The following CMTM7 variants were observed in gnomAD, a reference collection of about 807,000 sequenced individuals.
The protein encoded by CMTM7 is CKLF-like MARVEL transmembrane domain-containing protein 7.
In CMTM7, 7 loss-of-function variants were observed where a neutral mutation model predicts 19.3. The observed-to-expected ratio is 0.36, with a 90% confidence interval of 0.21 to 0.68. CMTM7 has a LOEUF of 0.68. Among genes scored for constraint, CMTM7 ranks in the 30% least tolerant of loss-of-function variants. The pLI, the probability that CMTM7 is intolerant of heterozygous loss-of-function variation, is 0.60. For missense variants in CMTM7, 193 were observed against 232.6 expected, an observed-to-expected ratio of 0.83 and a Z score of 1.11; for synonymous variants, 87 against 99.3, an observed-to-expected ratio of 0.88 and a Z score of 0.74.
chr3:32,431,611 G>C (rs1696520451), intron 1 of CMTM7, among the ~76,000 whole-genome samples: 1 of 152,140 alleles, frequency 6.6e-6, no homozygotes, highest in South Asian at 2.1e-4. Context: ...TGAAAACAGA[G>C]GCCAGAAGCT....
At chr3:32,445,629 C>T (rs1051844701) in intron 2 of CMTM7, among the ~76,000 whole-genome samples, 1 of 152,116 alleles carries the variant, frequency 6.6e-6, no homozygotes, top group African/African-American at 2.4e-5. Flanking sequence ...CCTCCCACCT[C>T]AGCCTCTTGA....
intron 1 of CMTM7, among the ~76,000 whole-genome samples, chr3:32,425,912 G>A (rs775266174): frequency 1.1e-4 from 17 of 152,146 alleles, no homozygotes; most frequent in South Asian, 2.1e-4. Flanking sequence ...TTGGGAGGCC[G>A]AGGTGGGCGG....
At chr3:32,434,472 A>AAT (rs1553612389) in intron 1 of CMTM7, among the ~76,000 whole-genome samples, 6 of 148,336 alleles carry the variant, frequency 4.0e-5, no homozygotes, top group African/African-American at 1.5e-4. Context: ...AATTTTAAAA[A>AAT]TTTTTTTTTT....
chr3:32,442,627 G>A (rs964445343), intron 2 of CMTM7, among the ~76,000 whole-genome samples: 17 of 152,216 alleles, frequency 1.1e-4, no homozygotes, highest in African/African-American at 3.4e-4. Flanking sequence ...GGAAATTGTA[G>A]GTGAAGATGA....
intron 4 of CMTM7, 32 bp from the exon 5 acceptor site, chr3:32,454,209 C>A: frequency 6.4e-7 from 1 of 1,573,332 alleles, no homozygotes; most frequent in South Asian, 1.2e-5. Flanking sequence ...ACATCCCTGG[C>A]AAGCTGTCCT....
intron 3 of CMTM7, 60 bp from the exon 4 acceptor site, chr3:32,452,332 G>C: frequency 3.1e-6 from 5 of 1,613,502 alleles, no homozygotes; most frequent in Non-Finnish European, 4.2e-6. Flanking sequence ...AAGCAGACAG[G>C]ATTGCCCGAG....
intron 1 of CMTM7, among the ~76,000 whole-genome samples, chr3:32,440,717 G>A (rs1224236671): frequency 6.6e-6 from 1 of 152,212 alleles, no homozygotes; most frequent in African/African-American, 2.4e-5. Context: ...AGCAGAGGTT[G>A]CAGTGAGCTG....
At chr3:32,433,613 G>A (rs1015368145) in intron 1 of CMTM7, among the ~76,000 whole-genome samples, 1 of 152,100 alleles carries the variant, frequency 6.6e-6, no homozygotes, top group Non-Finnish European at 1.5e-5. Context: ...CCTTGTGCTG[G>A]GTCCCTAATT....
intron 1 of CMTM7, among the ~76,000 whole-genome samples, chr3:32,399,900 T>G (rs1695976039): frequency 6.6e-6 from 1 of 152,190 alleles, no homozygotes; most frequent in Non-Finnish European, 1.5e-5. Context: ...AAAGTAATAC[T>G]TGTTCATTGT....
rs1169763459 is a variant in CMTM7 at position 32,454,493 on chromosome 3, C to T, written c.*239C>T. The T allele has an allele frequency of 2.9e-6, 2 of 696,414 alleles. No homozygotes were observed. Among genetic ancestry groups the T allele is most frequent in the South Asian group, 3.0e-5 (2 of 66,720 alleles). 43.1% of individuals were successfully genotyped at this position (696,414 alleles called of 1,614,324 possible). A position where few individuals can be genotyped will look rare whatever the true frequency, so the allele number is the denominator to read the frequency against. ...TCCCTCCCATTCTGGGAAAGGAAAG[C>T]AGCCTCCAGGGAAATGTTTTCTGCC... On this transcript the variant is annotated 3_prime_UTR_variant, in exon 5 of 5. Transcript: ENST00000334983.
chr3:32,436,813 G>C (rs780789016), intron 1 of CMTM7, among the ~76,000 whole-genome samples: 1 of 152,058 alleles, frequency 6.6e-6, no homozygotes, highest in Non-Finnish European at 1.5e-5. Context: ...CCCAAGCATG[G>C]GTGGCAGGAG....
intron 1 of CMTM7, among the ~76,000 whole-genome samples, chr3:32,414,242 C>T (rs1279421439): frequency 6.6e-6 from 1 of 152,140 alleles, no homozygotes; most frequent in Non-Finnish European, 1.5e-5. Flanking sequence ...ACCAAATGAC[C>T]AAGCTACATT....
At chr3:32,418,821 TG>T (rs1696304118) in intron 1 of CMTM7, among the ~76,000 whole-genome samples, 2 of 152,358 alleles carry the variant, frequency 1.3e-5, no homozygotes, top group South Asian at 4.1e-4. Context: ...ATCTTGAAAT[TG>T]GATAGTGCTC....
At chr3:32,404,349 C>T (rs1329034894) in intron 1 of CMTM7, among the ~76,000 whole-genome samples, 2 of 151,826 alleles carry the variant, frequency 1.3e-5, no homozygotes, top group Non-Finnish European at 2.9e-5. Flanking sequence ...TTGTAGATAA[C>T]GGGGTTTCAC....
intron 3 of CMTM7, chr3:32,452,084 G>A: frequency 7.1e-7 from 1 of 1,401,578 alleles, no homozygotes; most frequent in Non-Finnish European, 9.4e-7. Context: ...AAGTCCATTG[G>A]CTTAGCCCCA....
chr3:32,427,268 C>T (rs1696447072), intron 1 of CMTM7, among the ~76,000 whole-genome samples: 1 of 152,200 alleles, frequency 6.6e-6, no homozygotes, highest in Non-Finnish European at 1.5e-5. Context: ...GGACAAAGGT[C>T]TGGTCCCACT....
intron 1 of CMTM7, among the ~76,000 whole-genome samples, chr3:32,422,514 G>A (rs756072232): frequency 9.8e-5 from 15 of 152,352 alleles, no homozygotes; most frequent in Admixed American, 2.6e-4. Flanking sequence ...GTGCCGTCTC[G>A]TAGCCCTAAT....
At chr3:32,414,278 C>T (rs1696225411) in intron 1 of CMTM7, among the ~76,000 whole-genome samples, 1 of 152,204 alleles carries the variant, frequency 6.6e-6, no homozygotes, top group African/African-American at 2.4e-5. Context: ...TCATTCTCCA[C>T]GTTCCACTGA....
chr3:32,441,480 G>T (rs1696674583), intron 1 of CMTM7, among the ~76,000 whole-genome samples: 1 of 152,148 alleles, frequency 6.6e-6, no homozygotes, highest in African/African-American at 2.4e-5. Flanking sequence ...TCACCATCAC[G>T]CTGTCCTCTT....
Sources: gnomAD v4.1 joint callset for allele counts (sites outside exome capture counted in the v4.1 genomes callset) on GRCh38, gnomAD v4.1.1 for gene constraint, MANE v1.5 for transcripts, NCBI Gene and HGNC (gene_info 2026-07-23, HGNC 2026-07-21) for gene names.